The following PCDHGA3 variants were observed in gnomAD, a reference collection of about 807,000 sequenced individuals.
PCDHGA3 encodes the protein protocadherin gamma subfamily A, 3.
PCDHGA3 carries 40 observed loss-of-function variants against 58.5 expected under a neutral mutation model. The ratio of observed to expected loss-of-function variants is 0.68; its 90% CI spans 0.53 to 0.89. The LOEUF (loss-of-function observed/expected upper bound fraction) is 0.89. PCDHGA3 is among the 40% of genes least tolerant of loss of function. The pLI is 0.00. For synonymous variants in PCDHGA3, 530 were observed against 525.7 expected (o/e 1.01, Z -0.11); for missense variants, 1,223 against 1,195.9 (o/e 1.02, Z -0.33).
intron 1 of PCDHGA3, chr5:141,413,448 G>A (rs781717265): frequency 3.1e-6 from 5 of 1,614,122 alleles, no homozygotes; most frequent in Non-Finnish European, 4.2e-6. Context: ...TGATCACCGC[G>A]GGCAGGATAG....
intron 1 of PCDHGA3, chr5:141,352,795 G>A (rs1759110396): frequency 1.0e-6 from 1 of 954,294 alleles, no homozygotes; most frequent in Non-Finnish European, 1.5e-6. Context: ...TTTGAGACCA[G>A]CATAGCCAAG....
intron 1 of PCDHGA3, chr5:141,415,652 A>AG: frequency 6.3e-7 from 1 of 1,590,778 alleles, no homozygotes; most frequent in African/African-American, 1.4e-5. Flanking sequence ...AAAAAAAAAA[A>AG]GATTGGTTTT....
In PCDHGA3 at chr5:141,432,627, C is replaced by G. The variant is rs886117102; in HGVS notation, c.2425-62180C>G. On this transcript the variant is annotated intron_variant, in intron 1 of 3. Transcript: ENST00000253812. This position sits in a 1 kb window ranked among gnomAD's most constrained non-coding sequence, Gnocchi z 6.0. The stretch of plus-strand genomic sequence containing the variant: ...GGACTCTTCTCGGTGGGTCTGCACA[C>G]GGGCGAGGTGCGCACGGCGCGAGCC... The G allele has an allele frequency of 1.2e-6, 2 of 1,613,652 alleles. No individual in the cohort carries two copies. The highest frequency in any genetic ancestry group is 2.7e-5 in the African/African-American group (2 of 74,886).
chr5:141,360,322 G>T (rs762271493), intron 1 of PCDHGA3: 41 of 1,613,854 alleles, frequency 2.5e-5, no homozygotes, highest in Non-Finnish European at 3.1e-5. Flanking sequence ...GGACTTGCCA[G>T]CCCGGAAGCT....
intron 2 of PCDHGA3, among the ~76,000 whole-genome samples, chr5:141,504,402 G>A (rs2099837969): frequency 6.6e-6 from 1 of 152,170 alleles, no homozygotes; most frequent in Admixed American, 6.6e-5. Context: ...AGCCAGTGTG[G>A]TGGAGGAACA....
chr5:141,481,689 C>T (rs1198127143), intron 1 of PCDHGA3, among the ~76,000 whole-genome samples: 1 of 152,102 alleles, frequency 6.6e-6, no homozygotes, highest in Non-Finnish European at 1.5e-5. Context: ...CCTGGTGGCT[C>T]ACGCCTGTAA....
intron 1 of PCDHGA3, chr5:141,423,100 G>C (rs2096709499): frequency 6.2e-7 from 1 of 1,613,944 alleles, no homozygotes; most frequent in Non-Finnish European, 8.5e-7. Context: ...GGAGCACACG[G>C]GCGAGGTGCG....
intron 1 of PCDHGA3, among the ~76,000 whole-genome samples, chr5:141,346,785 T>C (rs905887302): frequency 1.9e-4 from 29 of 152,244 alleles, no homozygotes; most frequent in African/African-American, 6.8e-4. Flanking sequence ...CTTGAGTAAC[T>C]ATGATGAGAG....
At chr5:141,430,713 T>G in intron 1 of PCDHGA3, 1 of 1,481,944 alleles carries the variant, frequency 6.7e-7, no homozygotes, top group Non-Finnish European at 9.0e-7. Context: ...GCTCCTGACT[T>G]CAGTGGTTAA....
chr5:141,356,148 CAT>C (rs1275291606), intron 1 of PCDHGA3: 4 of 1,613,436 alleles, frequency 2.5e-6, no homozygotes, highest in Admixed American at 1.7e-5. Context: ...GATTCTATGA[CAT>C]AGATGTAGAA....
intron 1 of PCDHGA3, chr5:141,355,301 C>A (rs1426106263): frequency 2.5e-6 from 4 of 1,613,904 alleles, no homozygotes; most frequent in Middle Eastern, 1.7e-4. Context: ...ATTCTCTACT[C>A]GGTGTTTGAG....
intron 1 of PCDHGA3, chr5:141,423,114 A>G: frequency 1.9e-6 from 3 of 1,613,848 alleles, no homozygotes; most frequent in Non-Finnish European, 1.7e-6. Context: ...AGGTGCGTAC[A>G]GCGCGGGCAC....
chr5:141,400,694 C>G, intron 1 of PCDHGA3: 2 of 763,776 alleles, frequency 2.6e-6, no homozygotes, highest in Non-Finnish European at 4.2e-6. Flanking sequence ...GTTTTTATGT[C>G]GCATAAAAGA....
chr5:141,355,895 T>C (rs1760035586), intron 1 of PCDHGA3: 1 of 1,613,662 alleles, frequency 6.2e-7, no homozygotes. Flanking sequence ...CTCATAATAC[T>C]TGTGGATACC....
At chr5:141,383,946 G>A (rs1023403145) in intron 1 of PCDHGA3, 3 of 1,613,696 alleles carry the variant, frequency 1.9e-6, no homozygotes, top group Non-Finnish European at 2.5e-6. Flanking sequence ...AAGTGACTAT[G>A]ACGTCTTTAA....
rs2099426122 is a variant in PCDHGA3 at position 141,477,960 on chromosome 5, A to C, written c.2425-16847A>C. On this transcript the variant is annotated intron_variant, in intron 1 of 3. Coordinates refer to ENST00000253812, the MANE Select transcript of PCDHGA3 (RefSeq NM_018916.4). This position sits in a 1 kb window ranked among gnomAD's most constrained non-coding sequence, Gnocchi z 4.9. ...TCCTACAGTCTCTTGGGATCCCCTAACCAGAGCCTTTTTGCCATAGGGCTG... is the reference window on the plus strand; with the variant it reads ...TCCTACAGTCTCTTGGGATCCCCTACCCAGAGCCTTTTTGCCATAGGGCTG... 1 of 1,613,952 alleles carries C rather than the reference A, an allele frequency of 6.2e-7. No individual in the cohort carries two copies. Among genetic ancestry groups the C allele is most frequent in the African/African-American group, 1.3e-5 (1 of 74,922 alleles).
intron 1 of PCDHGA3, chr5:141,370,780 AC>A: frequency 6.2e-7 from 1 of 1,613,990 alleles, no homozygotes; most frequent in Non-Finnish European, 8.5e-7. Context: ...ATTAACGACA[AC>A]CCACCGACCT....
intron 1 of PCDHGA3, chr5:141,393,700 A>T: frequency 6.2e-7 from 1 of 1,613,934 alleles, no homozygotes; most frequent in Non-Finnish European, 8.5e-7. Context: ...CAGCTTAATG[A>T]AAATACTGGG....
At chr5:141,360,233 TC>T in intron 1 of PCDHGA3, 1 of 1,613,862 alleles carries the variant, frequency 6.2e-7, no homozygotes, top group Non-Finnish European at 8.5e-7. Context: ...CCAGTCCAGA[TC>T]CGCTATTCAA....
Sources: allele counts gnomAD v4.1 joint callset (sites outside exome capture counted in the v4.1 genomes callset), GRCh38; gene constraint gnomAD v4.1.1; non-coding constraint Gnocchi (gnomAD v3.1); transcripts MANE v1.5; gene names NCBI Gene and HGNC (gene_info 2026-07-23, HGNC 2026-07-21).